YWHAE: variants seen among roughly 807,000 people sequenced by gnomAD.
YWHAE encodes 14-3-3 protein epsilon.
Under a neutral mutation model 30.1 loss-of-function variants are expected in YWHAE, and 4 were observed. The observed-to-expected ratio is 0.13, with a 90% CI of 0.07 to 0.30. The LOEUF (loss-of-function observed/expected upper bound fraction) is 0.30. Among genes scored for constraint, YWHAE ranks in the 10% least tolerant of loss-of-function variants. YWHAE has a pLI of 1.00. For missense variants in YWHAE, 121 were observed against 315.9 expected, an observed-to-expected ratio of 0.38 and a Z score of 4.68; for synonymous variants, 118 against 111.8, an observed-to-expected ratio of 1.06 and a Z score of -0.35.
chr17:1,384,437 A>G (rs1245659556), intron 1 of YWHAE, among the ~76,000 whole-genome samples: 5 of 151,772 alleles, frequency 3.3e-5, no homozygotes, highest in Admixed American at 6.6e-5. Flanking sequence ...CACGCCTGTA[A>G]TCCCAGCACT....
Position 1,348,888 on chromosome 17 carries a change from T to C in YWHAE, c.716-3389A>G, listed in dbSNP as rs1056147241. ...AATACAAAAAAAAATTAGCCGGGCA[T>C]GGTGGCGGGCACCTGTAGTCCCAGC... is the stretch of plus-strand genomic sequence containing the variant. On this transcript the variant is annotated intron_variant, in intron 5 of 5. Transcript: ENST00000264335. Among the ~76,000 whole-genome samples, 3 of 150,052 alleles carry C rather than the reference T, an allele frequency of 2.0e-5. No individual in the cohort carries two copies. The South Asian group carries it at 6.3e-4, about 32-fold the overall frequency.
chr17:1,358,999 G>A (rs761102518), intron 4 of YWHAE, among the ~76,000 whole-genome samples: 11 of 151,894 alleles, frequency 7.2e-5, no homozygotes, highest in Non-Finnish European at 1.6e-4. Flanking sequence ...AGCCAGGCAT[G>A]GTGGCAGGCG....
intron 1 of YWHAE, among the ~76,000 whole-genome samples, chr17:1,384,274 G>T (rs1382440184): frequency 6.6e-6 from 1 of 151,996 alleles, no homozygotes; most frequent in Non-Finnish European, 1.5e-5. Context: ...TACCCAGGAC[G>T]CAGAGGTGGG....
chr17:1,346,048 T>C (rs1358239886), intron 5 of YWHAE, among the ~76,000 whole-genome samples: 1 of 149,410 alleles, frequency 6.7e-6, no homozygotes, highest in Non-Finnish European at 1.5e-5. Context: ...CACCAAACTA[T>C]AATCAGATTT....
rs1259613040 is a variant in YWHAE, at chr17:1,383,264, T to C, written c.64+16783A>G. Among the ~76,000 whole-genome samples, 4 of 152,044 alleles carry C rather than the reference T, an allele frequency of 2.6e-5. No homozygotes were observed. The South Asian group carries it at 8.3e-4, about 32-fold the overall frequency. On this transcript the variant is annotated intron_variant, in intron 1 of 5. Transcript: ENST00000264335. ...ACTCTGGGGGCTGAGGCAGGAGAATTGCTTGATCCTGGGAGGACGAGGTTT... is the reference window on the plus strand; with the variant it reads ...ACTCTGGGGGCTGAGGCAGGAGAATCGCTTGATCCTGGGAGGACGAGGTTT...
At chr17:1,351,182 A>G (rs1451527616) in intron 5 of YWHAE, among the ~76,000 whole-genome samples, 3 of 152,078 alleles carry the variant, frequency 2.0e-5, no homozygotes, top group Non-Finnish European at 4.4e-5. Context: ...AACATAGTGG[A>G]ACCCCGTCTC....
intron 2 of YWHAE, among the ~76,000 whole-genome samples, chr17:1,364,119 T>G (rs2072906308): frequency 6.6e-6 from 1 of 152,126 alleles, no homozygotes; most frequent in Non-Finnish European, 1.5e-5. Flanking sequence ...TAAGAAACAT[T>G]TTATATATGT....
intron 1 of YWHAE, among the ~76,000 whole-genome samples, chr17:1,371,454 C>T (rs957143164): frequency 1.3e-5 from 2 of 151,850 alleles, no homozygotes; most frequent in African/African-American, 2.4e-5. Flanking sequence ...CAAGCTTCAA[C>T]AGTGGGCTTA....
At chr17:1,350,122 T>G (rs1164860554) in intron 5 of YWHAE, among the ~76,000 whole-genome samples, 1 of 151,976 alleles carries the variant, frequency 6.6e-6, no homozygotes, top group Admixed American at 6.6e-5. Context: ...CTGGCTAATT[T>G]TGTATTTTTA....
chr17:1,363,319 G>A (rs1789236534), intron 2 of YWHAE, among the ~76,000 whole-genome samples: 1 of 152,136 alleles, frequency 6.6e-6, no homozygotes, highest in Admixed American at 6.6e-5. Flanking sequence ...TGGATGGAGT[G>A]CAGTGGCTCG....
chr17:1,363,907 G>C (rs1331544151), intron 2 of YWHAE, among the ~76,000 whole-genome samples: 3 of 151,996 alleles, frequency 2.0e-5, no homozygotes, highest in Admixed American at 1.3e-4. Flanking sequence ...TTTGTTGTGG[G>C]GCCCGTGCTG....
At chr17:1,351,724 C>T (rs1174114971) in intron 5 of YWHAE, among the ~76,000 whole-genome samples, 1 of 152,054 alleles carries the variant, frequency 6.6e-6, no homozygotes, top group Non-Finnish European at 1.5e-5. Context: ...CTCAAGATCC[C>T]CCAACCTCAG....
Position 1,345,495 on chromosome 17 carries a change from T to C in YWHAE, c.720A>G (p.Glu240=), listed in dbSNP as rs1428424661. ...LWTSDMQGDG[E]EQNKEALQDV... Reference sequence around the variant, plus strand: ...CCTGCAGCGCTTCTTTATTCTGCTCTTCACCTGTTAAAAAAGAAAAAAAGT... The same window carrying C: ...CCTGCAGCGCTTCTTTATTCTGCTCCTCACCTGTTAAAAAAGAAAAAAAGT... Residue 240 remains glutamate, a synonymous_variant, in exon 6 of 6, where the codon GAA becomes GAG. Coordinates refer to ENST00000264335, the MANE Select transcript of YWHAE (RefSeq NM_006761.5). The C allele has an allele frequency of 1.2e-6, 2 of 1,613,628 alleles. No individual in the cohort carries two copies. Among genetic ancestry groups the C allele is most frequent in the East Asian group, 2.2e-5 (1 of 44,890 alleles).
chr17:1,390,701 A>C (rs1347065280), intron 1 of YWHAE, among the ~76,000 whole-genome samples: 2 of 152,248 alleles, frequency 1.3e-5, no homozygotes, highest in Non-Finnish European at 2.9e-5. Context: ...TAACTCTTAC[A>C]GTAATGCATC....
chr17:1,371,929 C>T (rs947411604), intron 1 of YWHAE, among the ~76,000 whole-genome samples: 2 of 151,446 alleles, frequency 1.3e-5, no homozygotes, highest in Non-Finnish European at 2.9e-5. Flanking sequence ...ACCTCCGTCT[C>T]CTGGGCTGAA....
At chr17:1,389,428 C>T (rs916365245) in intron 1 of YWHAE, among the ~76,000 whole-genome samples, 1 of 152,116 alleles carries the variant, frequency 6.6e-6, no homozygotes, top group Non-Finnish European at 1.5e-5. Flanking sequence ...TATATTATGC[C>T]TTTAGAATCA....
At chr17:1,370,416 C>T (rs925815660) in intron 1 of YWHAE, among the ~76,000 whole-genome samples, 4 of 151,898 alleles carry the variant, frequency 2.6e-5, no homozygotes, top group Middle Eastern at 3.4e-3. Context: ...CAGGCGTGAG[C>T]CACCGCGACT....
intron 1 of YWHAE, among the ~76,000 whole-genome samples, chr17:1,381,153 C>A (rs562617223): frequency 2.0e-5 from 3 of 152,250 alleles, no homozygotes; most frequent in Admixed American, 2.0e-4. Flanking sequence ...GGGAGGCTAA[C>A]AATCACTTGA....
At chr17:1,387,127 A>G (rs1014681799) in intron 1 of YWHAE, among the ~76,000 whole-genome samples, 3 of 152,240 alleles carry the variant, frequency 2.0e-5, no homozygotes, top group Non-Finnish European at 4.4e-5. Context: ...TGGTCTCAAT[A>G]TTTAGGGCAG....
Sources: allele counts gnomAD v4.1 joint callset (sites outside exome capture counted in the v4.1 genomes callset), GRCh38; gene constraint gnomAD v4.1.1; transcripts MANE v1.5; gene names NCBI Gene and HGNC (gene_info 2026-07-23, HGNC 2026-07-21).